Variants in TMC3 observed in about 807,000 individuals in gnomAD.
The protein encoded by TMC3 is transmembrane channel like 3, also known as transmembrane channel-like protein 3.
Under a neutral mutation model 110.6 loss-of-function variants are expected in TMC3, and 98 were observed. The observed-to-expected ratio is 0.89, with a 90% CI of 0.75 to 1.05. The LOEUF (loss-of-function observed/expected upper bound fraction) is 1.05, where lower values mean the gene tolerates loss of function less well. TMC3 is among the 50% of genes least tolerant of loss of function. TMC3 has a pLI of 0.00. For missense variants in TMC3, 1,319 were observed against 1,373.2 expected (o/e 0.96, Z 0.62); for synonymous variants, 489 against 513.1 (o/e 0.95, Z 0.63).
rs1893767081 is a variant in TMC3 at position 81,343,916 on chromosome 15, C to A, written c.1647+1G>T. 3 of 1,611,412 alleles carry A rather than the reference C, an allele frequency of 1.9e-6. No individual in the cohort carries two copies. The highest frequency in any genetic ancestry group is 2.5e-6 in the Non-Finnish European group (3 of 1,178,408). ...CCCAACAGACACAGCATTTTACTTACAAACTTGCTCTCCAGATCCCAACAC... is the reference window on the plus strand; with the variant it reads ...CCCAACAGACACAGCATTTTACTTAAAAACTTGCTCTCCAGATCCCAACAC... On this transcript the variant is annotated splice_donor_variant, in intron 14 of 21. Coordinates refer to ENST00000359440, the MANE Select transcript of TMC3 (RefSeq NM_001080532.3). LOFTEE classifies it high-confidence loss of function.
intron 10 of TMC3, among the ~76,000 whole-genome samples, chr15:81,351,177 T>C (rs2141707897): frequency 1.3e-5 from 2 of 152,220 alleles, no homozygotes; most frequent in Admixed American, 1.3e-4. Context: ...TCAAACTCTT[T>C]CCCAAAGGAG....
chr15:81,358,149 T>A lies in TMC3; in HGVS notation c.743A>T (p.Lys248Met), dbSNP rs754348760. 6.3e-7 allele frequency: 1 copy of A among 1,590,426 alleles called. No individual in the cohort carries two copies. Among genetic ancestry groups the A allele is most frequent in the Non-Finnish European group, 8.5e-7 (1 of 1,170,452 alleles). Residue 248 changes from lysine to methionine, a missense_variant and splice_region_variant, in exon 7 of 22, where the codon AAG (lysine) becomes ATG (methionine). Lys to Met is a moderately conservative substitution (Grantham distance 95). Coordinates refer to ENST00000359440, the MANE Select transcript of TMC3 (RefSeq NM_001080532.3). ...FAYSFIILLK[K>M]MAKNSRTSLA... ...ATTTTGAGAAATTGAGCAGTCATAC[T>A]TTTTTAAAAGAATGATGAAGCTGTA...
chr15:81,337,595 G>A (rs1017137530), intron 19 of TMC3: 8 of 567,630 alleles, frequency 1.4e-5, no homozygotes, highest in African/African-American at 9.4e-5. Flanking sequence ...TGAAAGGCTC[G>A]AGGCAGCTGC....
At chr15:81,335,691 C>T (rs1893577903) in intron 20 of TMC3, 1 of 152,470 alleles carries the variant, frequency 6.6e-6, no homozygotes, top group Admixed American at 6.5e-5. Context: ...TAAAGCCCTT[C>T]TGGGTCCCAT....
At chr15:81,343,705 G>A (rs569399281) in intron 14 of TMC3, among the ~76,000 whole-genome samples, 11 of 150,848 alleles carry the variant, frequency 7.3e-5, no homozygotes, top group African/African-American at 2.7e-4. Flanking sequence ...CAGGAGGATC[G>A]CTTGAGCAAG....
Position 81,341,422 on chromosome 15 carries a change from AT to A in TMC3, c.1811del (p.Asn604MetfsTer43). 1 of 1,612,016 alleles carries A rather than the reference AT, an allele frequency of 6.2e-7. No homozygotes were observed. Among genetic ancestry groups the A allele is most frequent in the Non-Finnish European group, 8.5e-7 (1 of 1,179,016 alleles). On this transcript the variant is annotated frameshift_variant, in exon 16 of 22. Coordinates refer to ENST00000359440, the MANE Select transcript of TMC3 (RefSeq NM_001080532.3). LOFTEE classifies it high-confidence loss of function. ...CTCGAAATACTTGCTGGTGGGGCAC[AT>A]TGCAGGTCAGCACAGCCCAGCTTCT... ...YLRSWAVLTCNVPHQQVFRAS... is the reference protein window; with the variant it reads ...YLRSWAVLTCXVPHQQVFRAS...
intron 5 of TMC3, among the ~76,000 whole-genome samples, chr15:81,359,126 T>C (rs1894130280): frequency 6.6e-6 from 1 of 152,238 alleles, no homozygotes; most frequent in African/African-American, 2.4e-5. Context: ...CTGGTTGATA[T>C]ACTGTCTGCA....
chr15:81,358,091 C>T (rs1894104409), intron 7 of TMC3, 58 bp downstream of exon 7: 1 of 1,471,136 alleles, frequency 6.8e-7, no homozygotes, highest in South Asian at 1.4e-5. Flanking sequence ...TAAGAAAATA[C>T]TTCCATTACA....
At position 81,332,766 on chromosome 15, in the gene TMC3, C is replaced by T. The variant is rs1445905283; in HGVS notation, c.2956G>A (p.Glu986Lys). Residue 986 changes from glutamate to lysine, a missense_variant, in exon 22 of 22, where the codon GAG becomes AAG. Physicochemically the swap from Glu to Lys is moderately conservative, Grantham distance 56. Transcript: ENST00000359440. ...TTGTAGTGCACCCTCCCCTGGTGCT[C>T]GGGATCCCGGGTCTGACTTTCGGAC... is the stretch of plus-strand genomic sequence containing the variant. ...ERSESQTRDP[E>K]HQGRVHYKSW... The T allele has an allele frequency of 4.3e-6, 7 of 1,611,650 alleles. No individual in the cohort carries two copies. The highest frequency in any genetic ancestry group is 2.7e-5 in the African/African-American group (2 of 74,858).
At chr15:81,354,834 T>G (rs890089246) in intron 9 of TMC3, among the ~76,000 whole-genome samples, 2 of 151,700 alleles carry the variant, frequency 1.3e-5, no homozygotes, top group Admixed American at 6.5e-5. Context: ...GTCACTTTGC[T>G]TGGTAAAAAT....
At position 81,338,699 on chromosome 15, in the gene TMC3, G is replaced by A; in HGVS notation, c.2037C>T (p.His679=). The part of the protein sequence containing the change: ...FPVWFGSVVG[H]ISSPVVILPA... ...GCAGGATGACCACGGGGCTACTGAT[G>A]TGTCCAACCACGGAGCCAAACCACA... Residue 679 remains histidine, a synonymous_variant, in exon 18 of 22, where the codon CAC becomes CAT. Coordinates refer to ENST00000359440, the MANE Select transcript of TMC3 (RefSeq NM_001080532.3). 1 of 1,614,022 alleles carries A rather than the reference G, an allele frequency of 6.2e-7. No individual in the cohort carries two copies. The highest frequency in any genetic ancestry group is 8.5e-7 in the Non-Finnish European group (1 of 1,179,886).
Position 81,356,574 on chromosome 15 carries a change from G to A in TMC3, c.764C>T (p.Thr255Met), listed in dbSNP as rs566947597. The change falls in exon 8 of 22, where the codon ACG becomes ATG. Residue 255 changes from threonine to methionine, a missense_variant. Physicochemically the swap from Thr to Met is moderately conservative, Grantham distance 81. Transcript: ENST00000359440. ...TTCATTGGAAGCACTGGCAAGACTC[G>A]TGCGGGAGTTCTTAGCCATCCTGCA... ...LLKKMAKNSRTSLASASNENY... is the reference protein window; with the variant it reads ...LLKKMAKNSRMSLASASNENY... The A allele has an allele frequency of 7.6e-6, 12 of 1,588,118 alleles. No individual in the cohort carries two copies. In the Admixed American group the frequency reaches 8.9e-5, roughly 12 times the overall value.
intron 7 of TMC3, among the ~76,000 whole-genome samples, chr15:81,357,653 C>T (rs1187276510): frequency 6.6e-6 from 1 of 152,194 alleles, no homozygotes; most frequent in Non-Finnish European, 1.5e-5. Flanking sequence ...GAGGTGCCAA[C>T]TGCATCACAG....
At position 81,339,520 on chromosome 15, in the gene TMC3, A is replaced by T; in HGVS notation, c.1845-16T>A. 1.3e-6 allele frequency: 2 copies of T among 1,569,384 alleles called. No individual in the cohort carries two copies. The highest frequency in any genetic ancestry group is 1.7e-6 in the Non-Finnish European group (2 of 1,153,728). On this transcript the variant is annotated splice_polypyrimidine_tract_variant and intron_variant, in intron 16 of 21. Coordinates refer to ENST00000359440, the MANE Select transcript of TMC3 (RefSeq NM_001080532.3). Reference sequence around the variant, plus strand: ...GTTGTTGGATCTGCAGATAAATCAGATGTCATGTGTTAAGTTCACTCCATA... The same window carrying T: ...GTTGTTGGATCTGCAGATAAATCAGTTGTCATGTGTTAAGTTCACTCCATA...
chr15:81,358,486 C>A lies in TMC3; in HGVS notation c.516G>T (p.Gln172His), dbSNP rs772172489. The A allele has an allele frequency of 6.2e-7, 1 of 1,611,920 alleles. No homozygotes were observed. Among genetic ancestry groups the A allele is most frequent in the East Asian group, 2.2e-5 (1 of 44,812 alleles). ...FIVIPELIAG[Q>H]PFGSTARKTI... ...TCTTCCTGGCTGTGCTTCCAAAGGG[C>A]TGGCCTGCAATCAGCTGGTGAGAGA... is the stretch of plus-strand genomic sequence containing the variant. The change falls in exon 6 of 22, where the codon CAG becomes CAT. Residue 172 changes from glutamine (Q) to histidine (H), a missense_variant. Gln to His is a conservative substitution (Grantham distance 24). Transcript: ENST00000359440.
chr15:81,340,694 T>C (rs1045245466), intron 16 of TMC3, among the ~76,000 whole-genome samples: 18 of 152,224 alleles, frequency 1.2e-4, no homozygotes, highest in African/African-American at 4.3e-4. Flanking sequence ...AGAAAACTTT[T>C]TGGTGCTATT....
At chr15:81,361,561 T>A (rs1295912522) in intron 4 of TMC3, among the ~76,000 whole-genome samples, 2 of 152,242 alleles carry the variant, frequency 1.3e-5, no homozygotes, top group African/African-American at 4.8e-5. Context: ...ATATTTTTCC[T>A]TCCATATAAG....
chr15:81,339,379 G>A lies in TMC3; in HGVS notation c.1955+15C>T, dbSNP rs1419447828. ...GCTGTCAGTCACTCCGGGCAGAGCT[G>A]GGAACGAAACTTACCTGAATGGCCC... On this transcript the variant is annotated intron_variant, in intron 17 of 21. Transcript: ENST00000359440. 1.9e-6 allele frequency: 3 copies of A among 1,581,592 alleles called. No individual in the cohort carries two copies. The South Asian group carries it at 3.4e-5, about 18-fold the overall frequency.
chr15:81,352,504 C>T lies in TMC3; in HGVS notation c.936-663G>A, dbSNP rs139455086. On this transcript the variant is annotated intron_variant, in intron 9 of 21. Coordinates refer to ENST00000359440, the MANE Select transcript of TMC3 (RefSeq NM_001080532.3). The stretch of plus-strand genomic sequence containing the variant: ...AAAGTATAGTACATACAATTATGTA[C>T]AGTACATATTTGATAATGAATTAAA... 7.1e-3 allele frequency among the ~76,000 whole-genome samples: 1,074 copies of T among 152,304 alleles called. 11 individuals carry two copies. The highest frequency in any genetic ancestry group is 0.013 in the Non-Finnish European group (851 of 68,028).
Sources: gnomAD v4.1 joint callset for allele counts (sites outside exome capture counted in the v4.1 genomes callset) on GRCh38, gnomAD v4.1.1 for gene constraint, MANE v1.5 for transcripts, NCBI Gene and HGNC (gene_info 2026-07-23, HGNC 2026-07-21) for gene names.